CTNNA3: variants seen among roughly 807,000 people sequenced by gnomAD.
The protein encoded by CTNNA3 is catenin alpha 3.
In CTNNA3, 76 loss-of-function variants were observed where a neutral mutation model predicts 95.7. The observed-to-expected ratio is 0.79, with a 90% CI of 0.66 to 0.96. The LOEUF (loss-of-function observed/expected upper bound fraction) is 0.96. CTNNA3 is among the 40% of genes least tolerant of loss of function. The probability of loss-of-function intolerance (pLI) is 0.00; values close to 1 mark genes in which losing one functional copy is unlikely to be tolerated. For missense variants in CTNNA3, 1,191 were observed against 1,089.8 expected (o/e 1.09, Z -1.31); for synonymous variants, 431 against 374.4 (o/e 1.15, Z -1.74).
chr10:66,220,377 C>T (rs1311618323), intron 13 of CTNNA3, among the ~76,000 whole-genome samples: 1 of 152,124 alleles, frequency 6.6e-6, no homozygotes, highest in Non-Finnish European at 1.5e-5. Flanking sequence ...GCCGGTAGTT[C>T]TCAACCCCTG....
intron 5 of CTNNA3, among the ~76,000 whole-genome samples, chr10:67,376,217 T>C (rs927985946): frequency 6.6e-6 from 1 of 152,174 alleles, no homozygotes; most frequent in African/African-American, 2.4e-5. Flanking sequence ...ATGTCTTTTA[T>C]CAGGAAAGCA....
chr10:66,921,510 C>T (rs1408828423), intron 7 of CTNNA3, among the ~76,000 whole-genome samples: 1 of 152,190 alleles, frequency 6.6e-6, no homozygotes, highest in Non-Finnish European at 1.5e-5. Flanking sequence ...TCCAATTATT[C>T]TATCACTTGG....
chr10:67,750,742 G>T, intron 1 of CTNNA3: 1 of 1,591,250 alleles, frequency 6.3e-7, no homozygotes. Flanking sequence ...TGAGGGGCTG[G>T]TGAAAGCCCT....
intron 7 of CTNNA3, among the ~76,000 whole-genome samples, chr10:67,028,404 T>C (rs931744955): frequency 6.6e-6 from 1 of 152,056 alleles, no homozygotes; most frequent in Admixed American, 6.6e-5. Context: ...GTATTTAACA[T>C]TTCTCAACCA....
intron 5 of CTNNA3, among the ~76,000 whole-genome samples, chr10:67,466,674 T>C (rs767816253): frequency 2.0e-5 from 3 of 152,128 alleles, no homozygotes; most frequent in Non-Finnish European, 2.9e-5. Flanking sequence ...TAGAGAAATA[T>C]CACAAACTAT....
intron 13 of CTNNA3, among the ~76,000 whole-genome samples, chr10:66,250,704 A>T (rs2090515397): frequency 6.6e-6 from 1 of 152,124 alleles, no homozygotes; most frequent in South Asian, 2.1e-4. Context: ...TTCTATAGCT[A>T]CTCAACTACT....
At chr10:66,204,706 T>C (rs902888213) in intron 13 of CTNNA3, among the ~76,000 whole-genome samples, 3 of 152,160 alleles carry the variant, frequency 2.0e-5, no homozygotes, top group Non-Finnish European at 4.4e-5. Flanking sequence ...CTTTTAAGAT[T>C]ATGGAATGTA....
intron 15 of CTNNA3, among the ~76,000 whole-genome samples, chr10:66,041,937 T>C (rs1043394054): frequency 6.6e-6 from 1 of 152,248 alleles, no homozygotes; most frequent in Non-Finnish European, 1.5e-5. Context: ...TTCCTGCTCA[T>C]GTCACGCTTC....
intron 15 of CTNNA3, among the ~76,000 whole-genome samples, chr10:66,011,765 T>C (rs1382547379): frequency 1.3e-5 from 2 of 152,172 alleles, no homozygotes; most frequent in Non-Finnish European, 2.9e-5. Flanking sequence ...ACACAGCAAC[T>C]CTCTTTCTCT....
intron 9 of CTNNA3, among the ~76,000 whole-genome samples, chr10:66,641,729 C>G (rs556865431): frequency 1.8e-4 from 28 of 152,076 alleles, no homozygotes; most frequent in Non-Finnish European, 3.5e-4. Context: ...TCCAGGACCC[C>G]TGCCCTGGAA....
At chr10:66,836,759 G>T (rs1196825658) in intron 7 of CTNNA3, among the ~76,000 whole-genome samples, 1 of 152,000 alleles carries the variant, frequency 6.6e-6, no homozygotes. Flanking sequence ...AAGAAAAGAT[G>T]AAAGGAAAAA....
intron 9 of CTNNA3, among the ~76,000 whole-genome samples, chr10:66,751,977 C>T (rs1456922647): frequency 1.3e-5 from 2 of 151,976 alleles, no homozygotes; most frequent in African/African-American, 4.8e-5. Context: ...AGAGATATAC[C>T]ATGTTTGTGG....
chr10:67,751,836 C>CAA (rs34653199), intron 1 of CTNNA3, among the ~76,000 whole-genome samples: 47 of 93,192 alleles, frequency 5.0e-4, no homozygotes, highest in East Asian at 2.4e-3. Flanking sequence ...AGCTACCAAC[C>CAA]AAAAAAAAAA....
At chr10:67,512,615 A>C (rs1449124953) in intron 5 of CTNNA3, among the ~76,000 whole-genome samples, 2 of 152,204 alleles carry the variant, frequency 1.3e-5, no homozygotes, top group Non-Finnish European at 2.9e-5. Flanking sequence ...TATCCACGAT[A>C]AAGTGGCTGA....
At chr10:65,984,842 A>C (rs1453440734) in intron 16 of CTNNA3, among the ~76,000 whole-genome samples, 1 of 151,258 alleles carries the variant, frequency 6.6e-6, no homozygotes, top group Non-Finnish European at 1.5e-5. Flanking sequence ...TTTCACTAAG[A>C]TTTAGTGTCT....
chr10:66,965,233 T>C (rs975746243), intron 7 of CTNNA3, among the ~76,000 whole-genome samples: 1 of 150,458 alleles, frequency 6.6e-6, no homozygotes, highest in Non-Finnish European at 1.5e-5. Context: ...TTTTTTGGGG[T>C]TTTTTTGTTT....
At chr10:66,323,408 C>T (rs1310423586) in intron 12 of CTNNA3, among the ~76,000 whole-genome samples, 2 of 151,750 alleles carry the variant, frequency 1.3e-5, no homozygotes, top group African/African-American at 2.4e-5. Flanking sequence ...CTTTGAGAGG[C>T]CAAGGGGCAC....
chr10:66,572,804 C>CTG (rs1842908126), intron 10 of CTNNA3, among the ~76,000 whole-genome samples: 1 of 152,172 alleles, frequency 6.6e-6, no homozygotes, highest in African/African-American at 2.4e-5. Flanking sequence ...CTTCTGTGTG[C>CTG]TGTGTGACTC....
intron 5 of CTNNA3, among the ~76,000 whole-genome samples, chr10:67,373,833 A>T (rs185768910): frequency 1.5e-3 from 234 of 152,306 alleles, no homozygotes; most frequent in African/African-American, 5.3e-3. Flanking sequence ...TGTATAGATG[A>T]GGGCAGAGAA....
Sources: allele counts gnomAD v4.1 joint callset (sites outside exome capture counted in the v4.1 genomes callset), GRCh38; gene constraint gnomAD v4.1.1; transcripts MANE v1.5; gene names NCBI Gene and HGNC (gene_info 2026-07-23, HGNC 2026-07-21).